AFG2A: variants seen among roughly 807,000 people sequenced by gnomAD.
AFG2A encodes the protein ATPase family gene 2 protein homolog A.
At chr4:123,167,266 CTATATA>C in the AFG2A span, among the ~76,000 whole-genome samples, 3 of 149,304 alleles carry the variant, frequency 2.0e-5, no homozygotes, top group African/African-American at 7.4e-5. Context: ...ATGTAGGTAT[CTATATA>C]TATAGCTTTT....
At chr4:123,070,301 T>C in the AFG2A span, among the ~76,000 whole-genome samples, 122 of 152,300 alleles carry the variant, frequency 8.0e-4, no homozygotes, top group Admixed American at 1.5e-3. Context: ...TGCCCCAAAC[T>C]GCTATCTAGT....
chr4:123,297,696 G>A, the AFG2A span, among the ~76,000 whole-genome samples: 5 of 150,576 alleles, frequency 3.3e-5, no homozygotes, highest in Non-Finnish European at 7.4e-5. Flanking sequence ...TCCAGCCTGG[G>A]GGACAGAGTG....
chr4:122,927,724 C>T, the AFG2A span: 1 of 1,612,966 alleles, frequency 6.2e-7, no homozygotes, highest in African/African-American at 1.3e-5. Context: ...ATAGGTCGAC[C>T]AGTGTTGCTT....
At chr4:123,082,522 TC>T in the AFG2A span, among the ~76,000 whole-genome samples, 1 of 75,214 alleles carries the variant, frequency 1.3e-5, no homozygotes, top group Non-Finnish European at 4.5e-5. Context: ...CTCTCTTTTT[TC>T]TTTTTTTTTT....
chr4:122,948,022 T>C, the AFG2A span, among the ~76,000 whole-genome samples: 1 of 152,090 alleles, frequency 6.6e-6, no homozygotes, highest in African/African-American at 2.4e-5. Flanking sequence ...ATAATGCATA[T>C]AAAAAATATG....
At chr4:122,989,063 A>G in the AFG2A span, among the ~76,000 whole-genome samples, 1 of 151,860 alleles carries the variant, frequency 6.6e-6, no homozygotes, top group Admixed American at 6.6e-5. Flanking sequence ...TGTAGCTAAG[A>G]TGATTATTTT....
At chr4:123,023,920 G>A in the AFG2A span, among the ~76,000 whole-genome samples, 1 of 151,878 alleles carries the variant, frequency 6.6e-6, no homozygotes, top group African/African-American at 2.4e-5. Context: ...GCCCTCCGAG[G>A]CCTCTACCTG....
the AFG2A span, among the ~76,000 whole-genome samples, chr4:123,158,378 T>G: frequency 0.91 from 138,021 of 152,076 alleles, 62,872 homozygotes; most frequent in East Asian, 0.98. Context: ...CAAAGGTTTT[T>G]TTTGTATGTA....
At chr4:123,285,342 T>C in the AFG2A span, among the ~76,000 whole-genome samples, 9 of 152,084 alleles carry the variant, frequency 5.9e-5, no homozygotes, top group Non-Finnish European at 1.3e-4. Context: ...GGCTTAAGTG[T>C]CCCCCAGGTT....
At chr4:123,265,425 A>G in the AFG2A span, among the ~76,000 whole-genome samples, 1 of 152,246 alleles carries the variant, frequency 6.6e-6, no homozygotes. Context: ...ATGTACTTAC[A>G]GTGTATGGAG....
the AFG2A span, among the ~76,000 whole-genome samples, chr4:123,233,283 A>G: frequency 4.0e-5 from 6 of 151,700 alleles, no homozygotes; most frequent in African/African-American, 1.2e-4. Flanking sequence ...ACACACGCAC[A>G]CACACACACA....
the AFG2A span, among the ~76,000 whole-genome samples, chr4:123,008,487 A>G: frequency 6.6e-6 from 1 of 152,190 alleles, no homozygotes; most frequent in African/African-American, 2.4e-5. Flanking sequence ...TTTTTACTTT[A>G]TGATCAGAAA....
chr4:123,207,161 A>C, the AFG2A span, among the ~76,000 whole-genome samples: 12 of 152,152 alleles, frequency 7.9e-5, no homozygotes, highest in Non-Finnish European at 8.8e-5. Context: ...ATTAGCTACT[A>C]GGTCACTTCT....
chr4:123,236,662 TTA>T, the AFG2A span, among the ~76,000 whole-genome samples: 2 of 152,168 alleles, frequency 1.3e-5, no homozygotes, highest in African/African-American at 4.8e-5. Context: ...TTTGATTCAT[TTA>T]TGAGGTAAGG....
chr4:123,126,983 G>T, the AFG2A span, among the ~76,000 whole-genome samples: 1 of 152,190 alleles, frequency 6.6e-6, no homozygotes, highest in Non-Finnish European at 1.5e-5. Flanking sequence ...CATTTTGGGA[G>T]CCTGGGGCAG....
At chr4:123,255,728 T>C in the AFG2A span, among the ~76,000 whole-genome samples, 2 of 145,292 alleles carry the variant, frequency 1.4e-5, no homozygotes, top group Admixed American at 6.8e-5. Flanking sequence ...TTTTTTTTTT[T>C]TTTTTTTTTT....
chr4:123,193,607 A>G, the AFG2A span, among the ~76,000 whole-genome samples: 1 of 152,246 alleles, frequency 6.6e-6, no homozygotes, highest in Admixed American at 6.5e-5. Context: ...ACCCACAGCA[A>G]AGCTGTTCTC....
the AFG2A span, among the ~76,000 whole-genome samples, chr4:123,128,458 A>C: frequency 1.2e-4 from 18 of 152,188 alleles, no homozygotes; most frequent in Admixed American, 7.9e-4. Flanking sequence ...GGCTTAAAAA[A>C]ATGCAGCATC....
At chr4:123,091,636 C>A in the AFG2A span, among the ~76,000 whole-genome samples, 110,846 of 152,116 alleles carry the variant, frequency 0.73, 40,957 homozygotes, top group East Asian at 0.97. Context: ...ATAATGGATT[C>A]TTCTATTTTT....
Sources: allele counts gnomAD v4.1 joint callset (sites outside exome capture counted in the v4.1 genomes callset), GRCh38; gene constraint gnomAD v4.1.1; transcripts MANE v1.5; gene names NCBI Gene and HGNC (gene_info 2026-07-23, HGNC 2026-07-21).